Variants in CAT observed in about 807,000 individuals in gnomAD.
CAT encodes epididymis secretory sperm binding protein.
CAT carries 43 observed loss-of-function variants against 59.0 expected under a neutral mutation model. The ratio of observed to expected loss-of-function variants is 0.73; its 90% CI spans 0.57 to 0.94. The LOEUF is 0.94. CAT is among the 40% of genes least tolerant of loss of function. The probability of loss-of-function intolerance (pLI) is 0.00; values close to 1 mark genes in which losing one functional copy is unlikely to be tolerated. For missense variants in CAT, 664 were observed against 682.9 expected, an observed-to-expected ratio of 0.97 and a Z score of 0.31; for synonymous variants, 218 against 230.9, an observed-to-expected ratio of 0.94 and a Z score of 0.51.
At chr11:34,454,759 G>A (rs1056665760) in intron 6 of CAT, among the ~76,000 whole-genome samples, 12 of 152,314 alleles carry the variant, frequency 7.9e-5, no homozygotes, top group African/African-American at 2.9e-4. Context: ...GGTCAATGTA[G>A]TATTACTTAG....
chr11:34,470,705 C>T (rs749576658), intron 11 of CAT: 12 of 512,514 alleles, frequency 2.3e-5, no homozygotes, highest in East Asian at 1.4e-4. Flanking sequence ...CATTTTCTTG[C>T]GCATTTCGGC....
rs368595989 is a variant in CAT at position 34,471,638 on chromosome 11, TA to T, written c.*215del. ...TGAAGGTTAGGATTTAACAGTCATT[TA>T]AAAAAAAAATTTGTTTTGACGGATG... On this transcript the variant is annotated 3_prime_UTR_variant, in exon 13 of 13. Transcript: ENST00000241052. 2.7e-3 allele frequency: 1,444 copies of T among 541,958 alleles called. No homozygotes were observed. The highest frequency in any genetic ancestry group is 4.4e-3 in the East Asian group (141 of 31,918). 33.6% of individuals were successfully genotyped at this position (541,958 alleles called of 1,614,324 possible). A position where few individuals can be genotyped will look rare whatever the true frequency, so the allele number is the denominator to read the frequency against.
chr11:34,445,268 T>C (rs967264069), intron 1 of CAT, among the ~76,000 whole-genome samples: 2 of 151,702 alleles, frequency 1.3e-5, no homozygotes, highest in South Asian at 2.1e-4. Context: ...GATGGGCGGA[T>C]TTCTTGAGGT....
At chr11:34,454,356 C>A (rs527553016) in intron 6 of CAT, among the ~76,000 whole-genome samples, 1 of 152,222 alleles carries the variant, frequency 6.6e-6, no homozygotes, top group South Asian at 2.1e-4. Context: ...TTTTAATCAA[C>A]TGAAATATTA....
At chr11:34,439,274 C>T (rs562711090) in intron 1 of CAT, among the ~76,000 whole-genome samples, 195 bp downstream of exon 1, 9 of 152,062 alleles carry the variant, frequency 5.9e-5, no homozygotes, top group African/African-American at 1.4e-4. Context: ...GGTAGTGGGG[C>T]GCGGGACTGC....
intron 1 of CAT, among the ~76,000 whole-genome samples, chr11:34,439,660 T>TG (rs1856362529): frequency 6.6e-6 from 1 of 152,182 alleles, no homozygotes; most frequent in Non-Finnish European, 1.5e-5. Context: ...ATTTTAGAGC[T>TG]GGGGGGTGAC....
chr11:34,459,211 T>C (rs1376353329), intron 8 of CAT, among the ~76,000 whole-genome samples: 1 of 152,060 alleles, frequency 6.6e-6, no homozygotes, highest in African/African-American at 2.4e-5. Flanking sequence ...AAGGAATGAT[T>C]TGAGATTTTT....
At chr11:34,466,804 A>AAAAAAAAAG (rs1554938652) in intron 10 of CAT, among the ~76,000 whole-genome samples, 4 of 147,832 alleles carry the variant, frequency 2.7e-5, no homozygotes, top group Admixed American at 1.3e-4. Context: ...AAAAAAAAAA[A>AAAAAAAAAG]GAAAATAGAT....
intron 10 of CAT, among the ~76,000 whole-genome samples, chr11:34,466,780 C>CAAAAAAA (rs71457350): frequency 0.054 from 2,128 of 39,568 alleles, 105 homozygotes; most frequent in Non-Finnish European, 0.086. Context: ...GACTCCGTCT[C>CAAAAAAA]AAAAAAAAAA....
intron 1 of CAT, among the ~76,000 whole-genome samples, chr11:34,445,519 A>G (rs986805730): frequency 1.3e-4 from 20 of 150,804 alleles, no homozygotes; most frequent in African/African-American, 4.4e-4. Flanking sequence ...AAAAAAAAAA[A>G]AAAGAAAAAC....
At chr11:34,449,800 A>G (rs1208580038) in intron 2 of CAT, among the ~76,000 whole-genome samples, 6 of 152,362 alleles carry the variant, frequency 3.9e-5, no homozygotes, top group African/African-American at 1.2e-4. Context: ...TATATTAAAC[A>G]TTGAAATAAA....
At chr11:34,453,757 G>C in intron 5 of CAT, 44 bp from the exon 6 acceptor site, 2 of 1,575,732 alleles carry the variant, frequency 1.3e-6, no homozygotes, top group Non-Finnish European at 1.7e-6. Flanking sequence ...AGGATGTTTT[G>C]ATTTAAATGA....
chr11:34,452,526 A>G (rs1465612031), intron 4 of CAT, among the ~76,000 whole-genome samples: 1 of 152,106 alleles, frequency 6.6e-6, no homozygotes, highest in Non-Finnish European at 1.5e-5. Context: ...GCTCTGAGTC[A>G]GCAGGAGGGG....
In CAT at chr11:34,464,194, G is replaced by T. The variant is rs1170473120; in HGVS notation, c.1285G>T (p.Val429Leu). 1 of 1,614,022 alleles carries T rather than the reference G, an allele frequency of 6.2e-7. No individual in the cohort carries two copies. The highest frequency in any genetic ancestry group is 8.5e-7 in the Non-Finnish European group (1 of 1,179,980). ...GCACAGCATCCAATATTCTGGAGAA[G>T]TGCGGAGATTCAACACTGCCAATGA... ...LEHSIQYSGE[V>L]RRFNTANDDN... The change falls in exon 10 of 13, where the codon GTG becomes TTG. Residue 429 changes from valine to leucine, a missense_variant. Coordinates refer to ENST00000241052, the MANE Select transcript of CAT (RefSeq NM_001752.4).
intron 10 of CAT, 103 bp from the exon 11 acceptor site, chr11:34,468,184 TA>T: frequency 1.1e-6 from 1 of 871,408 alleles, no homozygotes; most frequent in Non-Finnish European, 2.0e-6. Flanking sequence ...TCTTAACTTC[TA>T]AAGTTTTTTT....
In CAT at chr11:34,471,778, A is replaced by G. The variant is rs1856776728; in HGVS notation, c.*345A>G. 7.2e-6 allele frequency: 2 copies of G among 276,770 alleles called. No homozygotes were observed. Among genetic ancestry groups the G allele is most frequent in the South Asian group, 8.5e-5 (2 of 23,658 alleles). The allele number at this position is 276,770 out of a possible 1,614,324, so 17.1% of individuals were successfully genotyped here. A position where few individuals can be genotyped will look rare whatever the true frequency, so the allele number is the denominator to read the frequency against. On this transcript the variant is annotated 3_prime_UTR_variant, in exon 13 of 13. Transcript: ENST00000241052. ...TTTACATATCACCTCATGGCCTATT[A>G]TATTAAAATATGGCTATAAATATAT... is the stretch of plus-strand genomic sequence containing the variant.
intron 1 of CAT, among the ~76,000 whole-genome samples, chr11:34,442,197 T>C (rs866741766): frequency 1.3e-5 from 2 of 152,260 alleles, no homozygotes; most frequent in Non-Finnish European, 2.9e-5. Context: ...AAAAATTGAA[T>C]TGCTTTTAAA....
At position 34,450,762 on chromosome 11, in the gene CAT, T is replaced by G. The variant is rs368475662; in HGVS notation, c.239-226T>G. Among the ~76,000 whole-genome samples the G allele has an allele frequency of 9.7e-4, 147 of 152,330 alleles. No homozygotes were observed. The South Asian group carries it at 0.013, about 14-fold the overall frequency. On this transcript the variant is annotated intron_variant, in intron 2 of 12. Coordinates refer to ENST00000241052, the MANE Select transcript of CAT (RefSeq NM_001752.4). ...TCTAGCCTCACTCACCTCCTTCTCT[T>G]GGCTCCAGCTATGTGGCATTCGACT...
chr11:34,461,518 G>GTGC, intron 9 of CAT, 129 bp downstream of exon 9: 5 of 1,114,986 alleles, frequency 4.5e-6, no homozygotes, highest in Non-Finnish European at 2.7e-6. Context: ...TGCTCCCCAG[G>GTGC]TGCTGCTAAC....
Sources: gnomAD v4.1 joint callset for allele counts (sites outside exome capture counted in the v4.1 genomes callset) on GRCh38, gnomAD v4.1.1 for gene constraint, MANE v1.5 for transcripts, NCBI Gene and HGNC (gene_info 2026-07-23, HGNC 2026-07-21) for gene names.